Variants in PSMA1 observed in about 807,000 individuals in gnomAD.
The protein encoded by PSMA1 is proteasome subunit alpha type-1.
In PSMA1, 3 loss-of-function variants were observed where a neutral mutation model predicts 38.4. The ratio of observed to expected loss-of-function variants is 0.08; its 90% CI spans 0.04 to 0.20. The LOEUF is 0.20. PSMA1 is among the 10% of genes least tolerant of loss of function. PSMA1 has a pLI of 1.00. For missense variants in PSMA1, 227 were observed against 325.3 expected (o/e 0.70, Z 2.32); for synonymous variants, 101 against 107.1 (o/e 0.94, Z 0.35).
At chr11:14,518,384 C>T (rs899298991) in intron 2 of PSMA1, among the ~76,000 whole-genome samples, 28 of 152,202 alleles carry the variant, frequency 1.8e-4, no homozygotes, top group Non-Finnish European at 4.4e-5. Context: ...CAGGCATGAG[C>T]CACTGCACCC....
At chr11:14,545,023 G>T (rs1851810917) in intron 2 of PSMA1, among the ~76,000 whole-genome samples, 1 of 152,194 alleles carries the variant, frequency 6.6e-6, no homozygotes, top group African/African-American at 2.4e-5. Context: ...AAGTCCAGAA[G>T]ATGGAGTGGA....
intron 1 of PSMA1, among the ~76,000 whole-genome samples, chr11:14,631,779 C>T (rs1590017336): frequency 2.6e-5 from 4 of 152,000 alleles, no homozygotes; most frequent in Admixed American, 2.6e-4. Context: ...TAAAATCTCC[C>T]ATTATTAATG....
chr11:14,562,861 C>T (rs530141379), intron 2 of PSMA1, among the ~76,000 whole-genome samples: 11 of 152,108 alleles, frequency 7.2e-5, no homozygotes, highest in South Asian at 2.1e-4. Flanking sequence ...TGTGAGCCAC[C>T]GGGCCTGGCT....
chr11:14,567,285 T>C (rs772914462), intron 2 of PSMA1, among the ~76,000 whole-genome samples: 18 of 152,266 alleles, frequency 1.2e-4, no homozygotes, highest in Admixed American at 2.0e-4. Flanking sequence ...TCTTTTCTAT[T>C]TTAGCTAGTG....
intron 1 of PSMA1, among the ~76,000 whole-genome samples, chr11:14,638,557 ATATATATATATATATATATATATATATAT>A (rs1853148199): frequency 7.6e-5 from 1 of 13,170 alleles, no homozygotes; most frequent in African/African-American, 3.8e-4. Flanking sequence ...ATATATATAT[ATATATATATATATATATATATATATATAT>A]TTTTTTTTTT....
In PSMA1 at chr11:14,519,057, A is replaced by G; in HGVS notation, c.4-16T>C. On this transcript the variant is annotated splice_polypyrimidine_tract_variant and intron_variant, in intron 1 of 9. Coordinates refer to ENST00000396394, the MANE Select transcript of PSMA1 (RefSeq NM_002786.4). ...GATTTCGAAACTAAAAGTAAAAGAA[A>G]AAAATACCTGTTAATAGAAGAACAT... 6.5e-7 allele frequency: 1 copy of G among 1,540,858 alleles called. No homozygotes were observed. The highest frequency in any genetic ancestry group is 8.9e-7 in the Non-Finnish European group (1 of 1,122,018).
intron 2 of PSMA1, among the ~76,000 whole-genome samples, chr11:14,589,581 G>C (rs2134187426): frequency 6.6e-6 from 1 of 152,062 alleles, no homozygotes. Context: ...CGTATAGAAA[G>C]AGCATACGTG....
intron 1 of PSMA1, chr11:14,520,094 G>A (rs1851502843): frequency 4.0e-6 from 3 of 745,106 alleles, no homozygotes; most frequent in Non-Finnish European, 6.7e-6. Flanking sequence ...AAGCGAAAGC[G>A]GTGGAAAGGC....
chr11:14,518,197 G>A (rs1164996754), intron 2 of PSMA1, among the ~76,000 whole-genome samples: 1 of 151,572 alleles, frequency 6.6e-6, no homozygotes, highest in Non-Finnish European at 1.5e-5. Flanking sequence ...TGCCTCCTAG[G>A]CTCAAGCAGT....
At chr11:14,544,790 T>A (rs1051092958) in intron 2 of PSMA1, among the ~76,000 whole-genome samples, 1 of 152,202 alleles carries the variant, frequency 6.6e-6, no homozygotes, top group Non-Finnish European at 1.5e-5. Context: ...AAAGTTTGAA[T>A]GTAGAGTTAC....
intron 2 of PSMA1, among the ~76,000 whole-genome samples, chr11:14,607,418 C>G (rs1385029590): frequency 6.6e-6 from 1 of 152,230 alleles, no homozygotes; most frequent in Non-Finnish European, 1.5e-5. Flanking sequence ...CCTCCTGGTA[C>G]TGTCCAGGGT....
intron 2 of PSMA1, chr11:14,610,715 T>C (rs145027725): frequency 8.2e-6 from 4 of 486,774 alleles, no homozygotes; most frequent in Non-Finnish European, 1.5e-5. Context: ...TTTATGATAA[T>C]TCACCTTGTA....
At chr11:14,622,618 C>T (rs1307431651) in intron 1 of PSMA1, among the ~76,000 whole-genome samples, 1 of 152,212 alleles carries the variant, frequency 6.6e-6, no homozygotes, top group East Asian at 1.9e-4. Context: ...AAAATTGCTG[C>T]ATCTTGCGTG....
chr11:14,511,076 A>G (rs1439263937), intron 7 of PSMA1, 125 bp from the exon 8 acceptor site: 2 of 517,684 alleles, frequency 3.9e-6, no homozygotes, highest in African/African-American at 3.9e-5. Flanking sequence ...CAGTAAAAAC[A>G]GCCAAGTTTA....
chr11:14,625,037 C>T (rs1852894455), intron 1 of PSMA1, among the ~76,000 whole-genome samples: 1 of 152,166 alleles, frequency 6.6e-6, no homozygotes, highest in African/African-American at 2.4e-5. Flanking sequence ...CACTAACTTC[C>T]TTCTAAGTTT....
At chr11:14,613,453 C>T (rs1206407019) in intron 1 of PSMA1, among the ~76,000 whole-genome samples, 1 of 151,876 alleles carries the variant, frequency 6.6e-6, no homozygotes, top group Non-Finnish European at 1.5e-5. Flanking sequence ...GGGGTTTCAC[C>T]ATGTTGGCCA....
At chr11:14,564,946 T>TA (rs904626247) in intron 2 of PSMA1, among the ~76,000 whole-genome samples, 4 of 152,002 alleles carry the variant, frequency 2.6e-5, no homozygotes, top group African/African-American at 9.7e-5. Flanking sequence ...CTTGGCTAAT[T>TA]AAAAAAATTT....
intron 2 of PSMA1, among the ~76,000 whole-genome samples, chr11:14,594,629 G>A (rs1852463555): frequency 6.6e-6 from 1 of 152,018 alleles, no homozygotes; most frequent in South Asian, 2.1e-4. Flanking sequence ...CACATATATT[G>A]ACCATAATAC....
intron 1 of PSMA1, among the ~76,000 whole-genome samples, chr11:14,622,170 C>A (rs915216497): frequency 6.6e-6 from 1 of 152,154 alleles, no homozygotes; most frequent in East Asian, 1.9e-4. Context: ...GTTGCTTTGC[C>A]GGACACTGTG....
Sources: allele counts gnomAD v4.1 joint callset (sites outside exome capture counted in the v4.1 genomes callset), GRCh38; gene constraint gnomAD v4.1.1; transcripts MANE v1.5; gene names NCBI Gene and HGNC (gene_info 2026-07-23, HGNC 2026-07-21).